ENOX1: variants seen among roughly 807,000 people sequenced by gnomAD.
The protein encoded by ENOX1 is candidate growth-related and time keeping constitutive hydroquinone (NADH) oxidase.
A neutral mutation model predicts 82.5 loss-of-function variants in ENOX1; 42 were observed. That is an observed-to-expected ratio of 0.51 (90% CI 0.40 to 0.66). The LOEUF is 0.66. ENOX1 is among the 30% of genes least tolerant of loss of function. ENOX1 has a pLI of 0.00. For missense variants in ENOX1, 608 were observed against 811.6 expected (o/e 0.75, Z 3.05); for synonymous variants, 271 against 282.2 (o/e 0.96, Z 0.40).
intron 2 of ENOX1, among the ~76,000 whole-genome samples, chr13:43,606,881 G>A (rs955628286): frequency 5.9e-5 from 9 of 152,066 alleles, no homozygotes; most frequent in Non-Finnish European, 8.8e-5. Flanking sequence ...AGCCGGGTAT[G>A]GTGGCATGTG....
rs1457149422 is a variant in ENOX1 at position 43,616,204 on chromosome 13, A to ATATATATATATATATATATATTT, written c.-219+51274_-219+51275insAAATATATATATATATATATATA. ...TATCTATCTATATATATATATATAT[A>ATATATATATATATATATATATTT]TTTTTTTTTTTTTTTTAGGACGGAG... On this transcript the variant is annotated intron_variant, in intron 2 of 16. Coordinates refer to ENST00000690772, the MANE Select transcript of ENOX1 (RefSeq NM_001347969.2). 5.4e-3 allele frequency among the ~76,000 whole-genome samples: 82 copies of ATATATATATATATATATATATTT among 15,276 alleles called. 13 individuals carry two copies. The highest frequency in any genetic ancestry group is 0.014 in the Non-Finnish European group (68 of 4,772). The allele number at this position is 15,276 out of a possible 152,430, so 10.0% of individuals were successfully genotyped here.
Position 43,752,969 on chromosome 13 carries a change from C to A in ENOX1, c.-285+33683G>T, listed in dbSNP as rs147677820. ...CTGCCTCCCAGGCTCAAGCGATTCT[C>A]CTGCCTCAGCCTTCTGAGTAGCTGG... On this transcript the variant is annotated intron_variant, in intron 1 of 16. Transcript: ENST00000690772. 8.6e-3 allele frequency among the ~76,000 whole-genome samples: 1,040 copies of A among 121,568 alleles called. 11 individuals are homozygous for A. The highest frequency in any genetic ancestry group is 0.024 in the African/African-American group (956 of 40,626). 79.8% of individuals were successfully genotyped at this position (121,568 alleles called of 152,430 possible).
At chr13:43,580,643 T>C (rs1448486654) in intron 2 of ENOX1, among the ~76,000 whole-genome samples, 1 of 152,232 alleles carries the variant, frequency 6.6e-6, no homozygotes, top group East Asian at 1.9e-4. Context: ...TTCTTTCAAA[T>C]TCTGATGAGC....
chr13:43,406,833 A>G (rs1329142652), intron 5 of ENOX1, among the ~76,000 whole-genome samples: 1 of 152,154 alleles, frequency 6.6e-6, no homozygotes, highest in African/African-American at 2.4e-5. Context: ...AAAATAGCAC[A>G]AATGGCATGC....
intron 15 of ENOX1, among the ~76,000 whole-genome samples, chr13:43,233,761 T>G (rs2042393541): frequency 6.6e-6 from 1 of 152,216 alleles, no homozygotes. Flanking sequence ...ACTATAAGCA[T>G]GCAGATATGA....
intron 2 of ENOX1, among the ~76,000 whole-genome samples, chr13:43,556,724 C>CAAA (rs747308301): frequency 8.5e-6 from 1 of 117,550 alleles, no homozygotes; most frequent in East Asian, 2.4e-4. Flanking sequence ...GTTCTATTCT[C>CAAA]AAAAAAAAAA....
At chr13:43,307,170 C>CGG (rs2046916416) in intron 11 of ENOX1, among the ~76,000 whole-genome samples, 1 of 151,994 alleles carries the variant, frequency 6.6e-6, no homozygotes, top group Admixed American at 6.6e-5. Flanking sequence ...CTCCTCCTCC[C>CGG]CACTGTTCTC....
intron 9 of ENOX1, among the ~76,000 whole-genome samples, chr13:43,328,263 T>C (rs1398066609): frequency 6.6e-6 from 1 of 152,192 alleles, no homozygotes; most frequent in African/African-American, 2.4e-5. Context: ...GCATGTTTTG[T>C]CTGTACACAG....
intron 11 of ENOX1, among the ~76,000 whole-genome samples, chr13:43,301,951 G>C (rs956076310): frequency 1.1e-4 from 16 of 152,058 alleles, no homozygotes; most frequent in African/African-American, 3.6e-4. Context: ...TTCAGAAATT[G>C]GAAAGGGAAA....
At chr13:43,581,575 T>C (rs1391276055) in intron 2 of ENOX1, among the ~76,000 whole-genome samples, 1 of 152,234 alleles carries the variant, frequency 6.6e-6, no homozygotes, top group Non-Finnish European at 1.5e-5. Flanking sequence ...GACAAAGAAT[T>C]ATCATACAAG....
intron 2 of ENOX1, among the ~76,000 whole-genome samples, chr13:43,503,244 A>T (rs1377218130): frequency 6.6e-6 from 1 of 151,782 alleles, no homozygotes; most frequent in Non-Finnish European, 1.5e-5. Flanking sequence ...TCCCATGTTC[A>T]TGGAAAGACT....
chr13:43,384,688 A>C (rs2052294423), intron 5 of ENOX1, among the ~76,000 whole-genome samples: 1 of 152,244 alleles, frequency 6.6e-6, no homozygotes, highest in Non-Finnish European at 1.5e-5. Flanking sequence ...AGGAGAAAAC[A>C]AACCTGTCAG....
chr13:43,273,699 G>T (rs1335805913), intron 12 of ENOX1, among the ~76,000 whole-genome samples: 1 of 152,194 alleles, frequency 6.6e-6, no homozygotes. Flanking sequence ...TTGGCCTGCT[G>T]CTCTTGTCCA....
chr13:43,316,346 C>A (rs552153580), intron 11 of ENOX1, among the ~76,000 whole-genome samples: 2 of 152,234 alleles, frequency 1.3e-5, no homozygotes, highest in South Asian at 4.1e-4. Flanking sequence ...CCTGTAGACA[C>A]CAATGTCAGC....
intron 7 of ENOX1, among the ~76,000 whole-genome samples, chr13:43,358,288 G>A (rs1290551854): frequency 6.6e-6 from 1 of 152,134 alleles, no homozygotes; most frequent in African/African-American, 2.4e-5. Context: ...GAATACAGTT[G>A]ACCTGTGAGC....
intron 2 of ENOX1, among the ~76,000 whole-genome samples, chr13:43,556,610 T>C (rs758620190): frequency 6.6e-6 from 1 of 152,180 alleles, no homozygotes; most frequent in Non-Finnish European, 1.5e-5. Context: ...TCTTGAAACA[T>C]TCATTCATGA....
rs142310705 is a variant in ENOX1, at chr13:43,465,323, G to A, written c.-75+18686C>T. On this transcript the variant is annotated intron_variant, in intron 3 of 16. Transcript: ENST00000690772. ...CTCAGACATTTATTTTATACTTTCG[G>A]TTATAATCAAATACCATGTTATTTA... 9.6e-3 allele frequency among the ~76,000 whole-genome samples: 1,466 copies of A among 152,200 alleles called. 10 individuals carry two copies. The highest frequency in any genetic ancestry group is 0.017 in the Non-Finnish European group (1,143 of 68,000).
chr13:43,686,832 T>C (rs1478726458), intron 1 of ENOX1, among the ~76,000 whole-genome samples: 1 of 151,502 alleles, frequency 6.6e-6, no homozygotes, highest in Non-Finnish European at 1.5e-5. Context: ...ATGCTAGTCC[T>C]GCAGCATGAA....
intron 1 of ENOX1, among the ~76,000 whole-genome samples, chr13:43,702,558 A>G (rs1471964045): frequency 6.6e-6 from 1 of 152,162 alleles, no homozygotes; most frequent in African/African-American, 2.4e-5. Flanking sequence ...GTGTCCCCCC[A>G]AAACTCATAT....
Sources: allele counts gnomAD v4.1 joint callset (sites outside exome capture counted in the v4.1 genomes callset), GRCh38; gene constraint gnomAD v4.1.1; transcripts MANE v1.5; gene names NCBI Gene and HGNC (gene_info 2026-07-23, HGNC 2026-07-21).